The following GPI variants were observed in gnomAD, a reference collection of about 807,000 sequenced individuals.
The protein encoded by GPI is D-hexose-6-phosphate anomerase.
In GPI, 56 loss-of-function variants were observed where a neutral mutation model predicts 75.8. The observed-to-expected ratio is 0.74, with a 90% CI of 0.60 to 0.92. The LOEUF is 0.92. Ranked by LOEUF, GPI falls within the 40% of genes least tolerant of loss-of-function variation. GPI has a pLI of 0.00. For missense variants in GPI, 638 were observed against 741.0 expected (o/e 0.86, Z 1.61); for synonymous variants, 288 against 285.4 (o/e 1.01, Z -0.09).
chr19:34,397,871 C>T (rs1021231226), intron 14 of GPI: 1 of 149,432 alleles, frequency 6.7e-6, no homozygotes, highest in Non-Finnish European at 1.5e-5. Flanking sequence ...GAAAATCTCC[C>T]CTTTTGTTTA....
chr19:34,396,509 T>C (rs2074947451), intron 13 of GPI, 72 bp from the exon 14 acceptor site: 2 of 1,611,500 alleles, frequency 1.2e-6, no homozygotes, highest in Admixed American at 3.3e-5. Flanking sequence ...CTTAGGTCAG[T>C]GCCCTCCTCT....
intron 8 of GPI, chr19:34,381,046 T>G (rs776052240): frequency 1.6e-4 from 52 of 326,452 alleles, no homozygotes; most frequent in Admixed American, 1.2e-3. Context: ...CAGCCTGTGT[T>G]TGTTTGCCTG....
At chr19:34,388,434 C>A (rs905659669) in intron 9 of GPI, among the ~76,000 whole-genome samples, 1 of 151,948 alleles carries the variant, frequency 6.6e-6, no homozygotes, top group African/African-American at 2.4e-5. Flanking sequence ...GAGATCATGC[C>A]ACTACACTCA....
At chr19:34,395,822 A>G (rs2074935002) in intron 12 of GPI, among the ~76,000 whole-genome samples, 1 of 151,278 alleles carries the variant, frequency 6.6e-6, no homozygotes. Context: ...GCATCTGGGC[A>G]GGACTTTGGC....
chr19:34,373,203 A>G (rs1485608563), intron 4 of GPI, among the ~76,000 whole-genome samples: 1 of 151,918 alleles, frequency 6.6e-6, no homozygotes, highest in Non-Finnish European at 1.5e-5. Flanking sequence ...CCTGGCCTAC[A>G]TGGCAAAACC....
At chr19:34,377,696 C>T (rs2074569438) in intron 5 of GPI, 39 bp from the exon 6 acceptor site, 3 of 1,611,336 alleles carry the variant, frequency 1.9e-6, no homozygotes, top group Non-Finnish European at 2.5e-6. Flanking sequence ...TTTTCGTGGG[C>T]CCTGAATTCT....
chr19:34,377,909 C>T lies in GPI; in HGVS notation c.633+28C>T, dbSNP rs758228434. ...ATGAGTGCCGAAAACTGCCCGGCCCCTGGCCCTGTGTGTGTTGGGGTGGGG... is the reference window on the plus strand; with the variant it reads ...ATGAGTGCCGAAAACTGCCCGGCCCTTGGCCCTGTGTGTGTTGGGGTGGGG... On this transcript the variant is annotated intron_variant, in intron 6 of 17. Coordinates refer to ENST00000356487, the MANE Select transcript of GPI (RefSeq NM_000175.5). The T allele has an allele frequency of 1.4e-5, 22 of 1,613,390 alleles. No individual in the cohort carries two copies. The South Asian group carries it at 1.4e-4, about 10-fold the overall frequency.
chr19:34,369,605 A>G (rs895162374), intron 4 of GPI, among the ~76,000 whole-genome samples: 9 of 151,814 alleles, frequency 5.9e-5, no homozygotes, highest in Admixed American at 3.3e-4. Flanking sequence ...TACTTGGGAG[A>G]CTGAGGCAGG....
At chr19:34,369,657 C>T (rs994158550) in intron 4 of GPI, among the ~76,000 whole-genome samples, 15 of 150,920 alleles carry the variant, frequency 9.9e-5, no homozygotes, top group African/African-American at 3.4e-4. Context: ...CAGTGAGCTG[C>T]GATTGCGCCA....
Position 34,399,745 on chromosome 19 carries a change from C to G in GPI, c.1501C>G (p.Gln501Glu), listed in dbSNP as rs767420407. Residue 501 changes from glutamine to glutamate, a missense_variant, in exon 17 of 18, where the codon CAG (glutamine) becomes GAG (glutamate). By Grantham distance (29) the Gln-to-Glu change is conservative (BLOSUM62 2). Transcript: ENST00000356487. Reference protein sequence around the residue: ...VAMYEHKIFVQGIIWDINSFD... With the variant: ...VAMYEHKIFVEGIIWDINSFD... Reference sequence around the variant, plus strand: ...CATGTATGAGCACAAGATCTTCGTTCAGGGCATCATCTGGGACATCAACAG... The same window carrying G: ...CATGTATGAGCACAAGATCTTCGTTGAGGGCATCATCTGGGACATCAACAG... The G allele has an allele frequency of 6.2e-7, 1 of 1,614,072 alleles. No homozygotes were observed. The highest frequency in any genetic ancestry group is 8.5e-7 in the Non-Finnish European group (1 of 1,180,020).
At chr19:34,396,872 A>G (rs2074953990) in intron 14 of GPI, among the ~76,000 whole-genome samples, 1 of 152,168 alleles carries the variant, frequency 6.6e-6, no homozygotes, top group African/African-American at 2.4e-5. Flanking sequence ...GTGCAGTGGC[A>G]CGATCTTGGC....
upstream of GPI, chr19:34,364,744 G>C: frequency 2.4e-6 from 1 of 416,188 alleles, no homozygotes; most frequent in Non-Finnish European, 4.3e-6. Flanking sequence ...TTCCTCAATA[G>C]CCCTTACCAC....
intron 8 of GPI, 91 bp from the exon 9 acceptor site, chr19:34,381,375 G>A: frequency 1.1e-6 from 1 of 883,532 alleles, no homozygotes; most frequent in Middle Eastern, 2.1e-4. Context: ...TCAGCTCACG[G>A]AGCACAGCTC....
chr19:34,369,329 G>A (rs1436619714), intron 4 of GPI, among the ~76,000 whole-genome samples: 4 of 152,030 alleles, frequency 2.6e-5, no homozygotes, highest in South Asian at 4.2e-4. Context: ...GAGCCACTGC[G>A]CCTGGCCGGA....
chr19:34,365,526 C>CTG, intron 1 of GPI, 138 bp downstream of exon 1: 1 of 1,345,758 alleles, frequency 7.4e-7, no homozygotes, highest in South Asian at 1.2e-5. Context: ...GGGCCCAGGC[C>CTG]GAGTCCGCAC....
At chr19:34,379,127 G>C in intron 7 of GPI, 122 bp downstream of exon 7, 1 of 850,078 alleles carries the variant, frequency 1.2e-6, no homozygotes, top group Non-Finnish European at 2.0e-6. Flanking sequence ...CGGCCTTGCC[G>C]GTGCCTGCCT....
intron 8 of GPI, chr19:34,379,944 A>G (rs1028044259): frequency 6.7e-6 from 2 of 298,540 alleles, no homozygotes; most frequent in South Asian, 4.3e-5. Flanking sequence ...TAAAGCCCCA[A>G]TGAAGGGAGG....
chr19:34,386,015 TAAG>T (rs2074729456), intron 9 of GPI, among the ~76,000 whole-genome samples: 1 of 149,692 alleles, frequency 6.7e-6, no homozygotes, highest in African/African-American at 2.5e-5. Flanking sequence ...GGAGCCAGGG[TAAG>T]CACAGGTAGG....
intron 1 of GPI, chr19:34,365,640 G>A (rs781669519): frequency 3.0e-6 from 2 of 662,666 alleles, no homozygotes; most frequent in South Asian, 1.5e-5. Context: ...GGGCCCCTCC[G>A]TGGGGACATT....
Sources: gnomAD v4.1 joint callset for allele counts (sites outside exome capture counted in the v4.1 genomes callset) on GRCh38, gnomAD v4.1.1 for gene constraint, MANE v1.5 for transcripts, NCBI Gene and HGNC (gene_info 2026-07-23, HGNC 2026-07-21) for gene names.